DENND2A: variants seen among roughly 807,000 people sequenced by gnomAD.
The protein encoded by DENND2A is DENN domain-containing protein 2A.
Under a neutral mutation model 105.3 loss-of-function variants are expected in DENND2A, and 53 were observed. That is an observed-to-expected ratio of 0.50 (90% confidence interval 0.40 to 0.63). DENND2A has a LOEUF of 0.63. DENND2A is among the 30% of genes least tolerant of loss of function. The pLI is 0.00. For missense variants in DENND2A, 1,138 were observed against 1,279.6 expected, an observed-to-expected ratio of 0.89 and a Z score of 1.69; for synonymous variants, 522 against 508.4, an observed-to-expected ratio of 1.03 and a Z score of -0.36.
At chr7:140,597,625 G>A (rs1799332397) in intron 3 of DENND2A, among the ~76,000 whole-genome samples, 1 of 152,208 alleles carries the variant, frequency 6.6e-6, no homozygotes, top group Non-Finnish European at 1.5e-5. Context: ...AACACTGGAA[G>A]ACTGAAAAGC....
chr7:140,585,707 G>T lies in DENND2A; in HGVS notation c.1127C>A (p.Pro376Gln), dbSNP rs146125611. 6.2e-7 allele frequency: 1 copy of T among 1,614,022 alleles called. No individual in the cohort carries two copies. Among genetic ancestry groups the T allele is most frequent in the African/African-American group, 1.3e-5 (1 of 74,916 alleles). The change falls in exon 5 of 20, where the codon CCG (proline) becomes CAG (glutamine). Residue 376 changes from proline (P) to glutamine (Q), a missense_variant. This residue lies in a region of DENND2A where 511 missense variants were observed against 499.9 expected (regional missense o/e 1.02). Transcript: ENST00000496613. The part of the protein sequence containing the change: ...EENVYEDILD[P>Q]PMKENPYEDI... ...CTCATAAGGGTTCTCCTTCATTGGCGGATCTGTGTTCAAAGGCAATGTGTC... is the reference window on the plus strand; with the variant it reads ...CTCATAAGGGTTCTCCTTCATTGGCTGATCTGTGTTCAAAGGCAATGTGTC...
At chr7:140,635,577 T>C (rs533607246) in intron 1 of DENND2A, among the ~76,000 whole-genome samples, 4 of 152,324 alleles carry the variant, frequency 2.6e-5, no homozygotes, top group East Asian at 3.9e-4. Context: ...GGGATGCCTA[T>C]GACCTCCTGG....
At chr7:140,584,850 A>T (rs943825367) in intron 5 of DENND2A, among the ~76,000 whole-genome samples, 22 of 152,226 alleles carry the variant, frequency 1.4e-4, no homozygotes, top group South Asian at 2.1e-4. Context: ...TATTTCATTT[A>T]AAAAAACCCA....
At chr7:140,632,053 T>A (rs1452238642) in intron 1 of DENND2A, among the ~76,000 whole-genome samples, 1 of 152,132 alleles carries the variant, frequency 6.6e-6, no homozygotes, top group Non-Finnish European at 1.5e-5. Flanking sequence ...CCATGCCGGG[T>A]CAGTCTGAAT....
At chr7:140,597,132 A>C (rs536717316) in intron 3 of DENND2A, among the ~76,000 whole-genome samples, 1 of 152,336 alleles carries the variant, frequency 6.6e-6, no homozygotes, top group Admixed American at 6.5e-5. Flanking sequence ...AAGAAAAAAG[A>C]AGAGAGAGAA....
At chr7:140,550,671 A>G (rs1338493188) in intron 12 of DENND2A, among the ~76,000 whole-genome samples, 1 of 151,926 alleles carries the variant, frequency 6.6e-6, no homozygotes, top group Non-Finnish European at 1.5e-5. Context: ...CATGTTGGTC[A>G]GGCTGGTCTT....
intron 3 of DENND2A, among the ~76,000 whole-genome samples, chr7:140,592,596 C>G (rs1458132003): frequency 6.9e-6 from 1 of 144,010 alleles, no homozygotes; most frequent in Non-Finnish European, 1.5e-5. Flanking sequence ...CCGTGCCCTG[C>G]CCTTTTTTTT....
intron 13 of DENND2A, 185 bp from the exon 14 acceptor site, chr7:140,544,951 G>A (rs1275492370): frequency 1.6e-5 from 14 of 852,978 alleles, no homozygotes; most frequent in African/African-American, 9.2e-5. Flanking sequence ...GACGGGGGGC[G>A]GAGGAGGTAG....
chr7:140,572,026 C>G (rs1798113799), intron 6 of DENND2A, among the ~76,000 whole-genome samples: 1 of 151,996 alleles, frequency 6.6e-6, no homozygotes, highest in African/African-American at 2.4e-5. Flanking sequence ...TTTTTAGAGG[C>G]AGCATCTCGC....
chr7:140,591,114 G>A (rs1798999142), intron 3 of DENND2A, among the ~76,000 whole-genome samples: 1 of 152,002 alleles, frequency 6.6e-6, no homozygotes, highest in Non-Finnish European at 1.5e-5. Context: ...CTGGGCAACA[G>A]AGCAAGACCC....
At chr7:140,556,880 A>G (rs1482304763) in intron 11 of DENND2A, among the ~76,000 whole-genome samples, 1 of 152,138 alleles carries the variant, frequency 6.6e-6, no homozygotes, top group Non-Finnish European at 1.5e-5. Flanking sequence ...TGGGCCTGAA[A>G]ATGACAATTC....
chr7:140,596,164 C>T (rs1231053347), intron 3 of DENND2A, among the ~76,000 whole-genome samples: 1 of 152,194 alleles, frequency 6.6e-6, no homozygotes, highest in African/African-American at 2.4e-5. Context: ...CAACGATTTC[C>T]ACCTTTCAAT....
intron 12 of DENND2A, among the ~76,000 whole-genome samples, chr7:140,551,156 C>T (rs1222677105): frequency 6.6e-6 from 1 of 151,524 alleles, no homozygotes; most frequent in Non-Finnish European, 1.5e-5. Context: ...CAAAAATTAG[C>T]TGGGTGTGGT....
chr7:140,640,006 T>C lies in DENND2A; in HGVS notation c.-248+498A>G, dbSNP rs773758848. 3.3e-5 allele frequency among the ~76,000 whole-genome samples: 5 copies of C among 152,232 alleles called. No homozygotes were observed. Among genetic ancestry groups the C allele is most frequent in the Non-Finnish European group, 5.9e-5 (4 of 68,038 alleles). On this transcript the variant is annotated intron_variant, in intron 1 of 19. Transcript: ENST00000496613. The surrounding 1 kb of genome is among the most constrained non-coding windows in gnomAD (Gnocchi z 4.9). ...AGAAGTAAGACCATTCAATCATCTTTACCTTCTTGCTTTCCCAAGACTGCA... is the reference window on the plus strand; with the variant it reads ...AGAAGTAAGACCATTCAATCATCTTCACCTTCTTGCTTTCCCAAGACTGCA...
intron 1 of DENND2A, among the ~76,000 whole-genome samples, chr7:140,639,494 G>A (rs977499342): frequency 2.2e-4 from 33 of 151,820 alleles, no homozygotes; most frequent in Non-Finnish European, 4.1e-4. Flanking sequence ...TCGGAGTTCT[G>A]CTCCGTCCCA....
chr7:140,580,108 C>CA (rs556294250), intron 5 of DENND2A, among the ~76,000 whole-genome samples: 8 of 149,188 alleles, frequency 5.4e-5, no homozygotes, highest in Admixed American at 6.7e-5. Context: ...AACTCCATCT[C>CA]AAAAAAAAAT....
chr7:140,580,559 A>G (rs1282798714), intron 5 of DENND2A, among the ~76,000 whole-genome samples: 1 of 152,110 alleles, frequency 6.6e-6, no homozygotes, highest in Non-Finnish European at 1.5e-5. Context: ...GCCTCAAGCA[A>G]TCCTCCCACC....
chr7:140,531,051 G>A (rs1238830423), intron 14 of DENND2A, among the ~76,000 whole-genome samples: 1 of 151,992 alleles, frequency 6.6e-6, no homozygotes, highest in Non-Finnish European at 1.5e-5. Flanking sequence ...GACTTTCGAA[G>A]GATCTAGATC....
In DENND2A at chr7:140,626,171, C is replaced by T. The variant is rs149618390; in HGVS notation, c.-248+14333G>A. Among the ~76,000 whole-genome samples, 149 of 152,346 alleles carry T rather than the reference C, an allele frequency of 9.8e-4. 1 individual carries two copies. Among genetic ancestry groups the T allele is most frequent in the Non-Finnish European group, 1.8e-3 (124 of 68,036 alleles). ...GGCACCGTACGGGCCTTCCACTCCTCAATCCAGATTAGGAACTTGGGAAAT... is the reference window on the plus strand; with the variant it reads ...GGCACCGTACGGGCCTTCCACTCCTTAATCCAGATTAGGAACTTGGGAAAT... On this transcript the variant is annotated intron_variant, in intron 1 of 19. Transcript: ENST00000496613.
Sources: gnomAD v4.1 joint callset for allele counts (sites outside exome capture counted in the v4.1 genomes callset) on GRCh38, gnomAD v4.1.1 for gene constraint, gnomAD v4.1.1 regional missense constraint, Gnocchi (gnomAD v3.1) non-coding constraint, MANE v1.5 for transcripts, NCBI Gene and HGNC (gene_info 2026-07-23, HGNC 2026-07-21) for gene names.